TAF1B: variants seen among roughly 807,000 people sequenced by gnomAD.
TAF1B encodes the protein TATA-box binding protein associated factor, RNA polymerase I subunit B.
A neutral mutation model predicts 83.9 loss-of-function variants in TAF1B; 61 were observed. That is an observed-to-expected ratio of 0.73 (90% CI 0.59 to 0.90). TAF1B has a LOEUF of 0.90. Among genes scored for constraint, TAF1B ranks in the 40% least tolerant of loss-of-function variants. TAF1B has a pLI of 0.00. For missense variants in TAF1B, 625 were observed against 677.0 expected (o/e 0.92, Z 0.85); for synonymous variants, 221 against 224.6 (o/e 0.98, Z 0.14).
chr2:9,931,349 G>T (rs888288063), intron 14 of TAF1B, among the ~76,000 whole-genome samples: 3 of 152,142 alleles, frequency 2.0e-5, no homozygotes, highest in Admixed American at 6.5e-5. Flanking sequence ...AGGAGCTCTT[G>T]TAAGGCAGGC....
chr2:9,930,617 G>A (rs1666183496), intron 14 of TAF1B, among the ~76,000 whole-genome samples: 1 of 152,184 alleles, frequency 6.6e-6, no homozygotes, highest in Non-Finnish European at 1.5e-5. Context: ...AGTGTGATGT[G>A]GTGCTGAGAA....
chr2:9,907,532 C>T (rs1665382892), intron 9 of TAF1B, among the ~76,000 whole-genome samples: 1 of 152,000 alleles, frequency 6.6e-6, no homozygotes, highest in Non-Finnish European at 1.5e-5. Context: ...GCCTCTGGGG[C>T]TCGGGGAAAG....
At chr2:9,927,539 CCTGA>C (rs1394175960) in intron 14 of TAF1B, among the ~76,000 whole-genome samples, 1 of 152,162 alleles carries the variant, frequency 6.6e-6, no homozygotes, top group Non-Finnish European at 1.5e-5. Context: ...CCTGTTGTTT[CCTGA>C]CTTTTTATTG....
intron 14 of TAF1B, among the ~76,000 whole-genome samples, chr2:9,929,645 C>CT (rs1037380962): frequency 6.6e-6 from 1 of 152,052 alleles, no homozygotes; most frequent in African/African-American, 2.4e-5. Context: ...CTAAAATTCT[C>CT]TTTTTTTGTT....
At chr2:9,867,687 A>C (rs1460969948) in intron 5 of TAF1B, among the ~76,000 whole-genome samples, 3 of 151,926 alleles carry the variant, frequency 2.0e-5, no homozygotes, top group Non-Finnish European at 2.9e-5. Context: ...TTTTAGGGAC[A>C]CTCTGTTGTT....
Position 9,914,272 on chromosome 2 carries a change from G to A in TAF1B, c.1271+1023G>A, listed in dbSNP as rs1665615284. Among the ~76,000 whole-genome samples, 1 of 152,098 alleles carries A rather than the reference G, an allele frequency of 6.6e-6. No homozygotes were observed. The highest frequency in any genetic ancestry group is 1.5e-5 in the Non-Finnish European group (1 of 68,024). On this transcript the variant is annotated intron_variant, in intron 12 of 14. Transcript: ENST00000263663. The surrounding 1 kb of genome is among the most constrained non-coding windows in gnomAD (Gnocchi z 4.3). Reference sequence around the variant, plus strand: ...AGGATTGATGCACAATGAAGAAGAGGGGTGGAGGTGAATTTATCCCAACAG... The same window carrying A: ...AGGATTGATGCACAATGAAGAAGAGAGGTGGAGGTGAATTTATCCCAACAG...
At chr2:9,850,678 TAAC>T (rs1295364311) in intron 3 of TAF1B, among the ~76,000 whole-genome samples, 1 of 152,166 alleles carries the variant, frequency 6.6e-6, no homozygotes, top group African/African-American at 2.4e-5. Flanking sequence ...AAAGTACTGA[TAAC>T]AAGCTTTTGG....
At chr2:9,874,199 A>T (rs1419724792) in intron 6 of TAF1B, among the ~76,000 whole-genome samples, 1 of 152,078 alleles carries the variant, frequency 6.6e-6, no homozygotes, top group East Asian at 1.9e-4. Context: ...GCATCCCATG[A>T]TGCTCTCACT....
At chr2:9,882,863 A>C in intron 8 of TAF1B, 58 bp downstream of exon 8, 2 of 1,225,952 alleles carry the variant, frequency 1.6e-6, no homozygotes, top group South Asian at 3.2e-5. Context: ...GTGGTATGAT[A>C]ATTTCTATTT....
intron 11 of TAF1B, among the ~76,000 whole-genome samples, chr2:9,912,454 G>C (rs1194291071): frequency 6.6e-6 from 1 of 152,118 alleles, no homozygotes; most frequent in Non-Finnish European, 1.5e-5. Context: ...GTTCTTTCCA[G>C]AATATGTGCA....
intron 2 of TAF1B, among the ~76,000 whole-genome samples, chr2:9,848,328 G>A (rs988063648): frequency 1.3e-5 from 2 of 152,132 alleles, no homozygotes; most frequent in African/African-American, 4.8e-5. Flanking sequence ...AAACAGTAAT[G>A]TCCTCTGTTG....
intron 4 of TAF1B, among the ~76,000 whole-genome samples, chr2:9,853,773 T>G (rs1159564776): frequency 1.3e-5 from 2 of 152,206 alleles, no homozygotes; most frequent in African/African-American, 2.4e-5. Flanking sequence ...AAAAGTTTTT[T>G]GTTTAGTTTC....
At chr2:9,898,649 G>C (rs981411640) in intron 8 of TAF1B, among the ~76,000 whole-genome samples, 14 of 152,058 alleles carry the variant, frequency 9.2e-5, no homozygotes, top group African/African-American at 3.4e-4. Context: ...GTATCTAATG[G>C]AGAAGATTCT....
chr2:9,917,929 G>A (rs978585234), intron 12 of TAF1B, among the ~76,000 whole-genome samples: 81 of 151,872 alleles, frequency 5.3e-4, no homozygotes, highest in Admixed American at 9.2e-4. Flanking sequence ...AAAATTAGCC[G>A]GGCGTAGTGG....
intron 6 of TAF1B, among the ~76,000 whole-genome samples, chr2:9,872,659 G>A (rs796379985): frequency 2.2e-4 from 34 of 152,290 alleles, no homozygotes; most frequent in African/African-American, 7.2e-4. Context: ...GTTGTAGCAG[G>A]AGAGAGCAGA....
At chr2:9,927,867 A>G (rs1166458426) in intron 14 of TAF1B, among the ~76,000 whole-genome samples, 1 of 152,064 alleles carries the variant, frequency 6.6e-6, no homozygotes, top group African/African-American at 2.4e-5. Context: ...TGTTAGTTTA[A>G]TTAGGTCCCA....
intron 8 of TAF1B, among the ~76,000 whole-genome samples, chr2:9,904,242 G>T (rs1665275928): frequency 6.6e-6 from 1 of 152,122 alleles, no homozygotes; most frequent in Non-Finnish European, 1.5e-5. Flanking sequence ...CACAGTAAAG[G>T]TAGTTTTTTG....
At chr2:9,872,189 GGTGGC>G (rs1275184588) in intron 6 of TAF1B, among the ~76,000 whole-genome samples, 1 of 152,136 alleles carries the variant, frequency 6.6e-6, no homozygotes, top group Non-Finnish European at 1.5e-5. Flanking sequence ...AGATGGGTGT[GGTGGC>G]GCACGCCTGT....
chr2:9,923,400 C>T (rs868744518), intron 14 of TAF1B, among the ~76,000 whole-genome samples: 3 of 151,804 alleles, frequency 2.0e-5, no homozygotes, highest in Non-Finnish European at 2.9e-5. Flanking sequence ...CACTGTTGGC[C>T]GGGCACGGTG....
Sources: gnomAD v4.1 joint callset for allele counts (sites outside exome capture counted in the v4.1 genomes callset) on GRCh38, gnomAD v4.1.1 for gene constraint, Gnocchi (gnomAD v3.1) non-coding constraint, MANE v1.5 for transcripts, NCBI Gene and HGNC (gene_info 2026-07-23, HGNC 2026-07-21) for gene names.